Variants in SMAD3 observed in about 807,000 individuals in gnomAD.
The protein encoded by SMAD3 is MAD homolog 3.
SMAD3 carries 12 observed loss-of-function variants against 51.8 expected under a neutral mutation model. The ratio of observed to expected loss-of-function variants is 0.23; its 90% CI spans 0.15 to 0.38. The LOEUF is 0.38. SMAD3 is among the 10% of genes least tolerant of loss of function. SMAD3 has a pLI of 1.00. For missense variants in SMAD3, 294 were observed against 565.6 expected (o/e 0.52, Z 4.87); for synonymous variants, 238 against 227.7 (o/e 1.05, Z -0.41).
chr15:67,070,415 A>G (rs988504037), intron 1 of SMAD3, among the ~76,000 whole-genome samples: 14 of 152,062 alleles, frequency 9.2e-5, no homozygotes, highest in African/African-American at 3.4e-4. Flanking sequence ...TGCTGCTTGC[A>G]CCTGGGAGTG....
At chr15:67,155,114 C>T (rs11634793) in intron 1 of SMAD3, among the ~76,000 whole-genome samples, 68,237 of 152,040 alleles carry the variant, frequency 0.45, 15,840 homozygotes, top group Middle Eastern at 0.53. Context: ...GACCAGATGC[C>T]CTCAAGGTTC....
chr15:67,076,241 C>T (rs555054906), intron 1 of SMAD3, among the ~76,000 whole-genome samples: 4 of 152,218 alleles, frequency 2.6e-5, no homozygotes, highest in African/African-American at 9.6e-5. Context: ...GGCGGTTCTG[C>T]CCTCCCCCAT....
chr15:67,072,946 C>T (rs551994434), intron 1 of SMAD3, among the ~76,000 whole-genome samples: 4 of 152,156 alleles, frequency 2.6e-5, no homozygotes, highest in Non-Finnish European at 4.4e-5. Flanking sequence ...TCCTTTAATG[C>T]CGTACCAGGT....
At chr15:67,145,224 G>A (rs766824818) in intron 1 of SMAD3, among the ~76,000 whole-genome samples, 31 of 152,194 alleles carry the variant, frequency 2.0e-4, no homozygotes, top group Non-Finnish European at 3.8e-4. Flanking sequence ...CATTTTATAG[G>A]TGAGGAAGCT....
rs182021220 is a variant in SMAD3 at position 67,073,494 on chromosome 15, A to G, written c.206+7134A>G. Among the ~76,000 whole-genome samples, 279 of 152,254 alleles carry G rather than the reference A, an allele frequency of 1.8e-3. 1 individual carries two copies. The highest frequency in any genetic ancestry group is 2.4e-3 in the Non-Finnish European group (161 of 68,014). On this transcript the variant is annotated intron_variant, in intron 1 of 8. Coordinates refer to ENST00000327367, the MANE Select transcript of SMAD3 (RefSeq NM_005902.4). ...AACAAGAGTTTGGGGATTATTTTGGAGGTAGGAGTCAGCAGACCTTGGTAG... is the reference window on the plus strand; with the variant it reads ...AACAAGAGTTTGGGGATTATTTTGGGGGTAGGAGTCAGCAGACCTTGGTAG...
At chr15:67,144,410 AT>A (rs1371921116) in intron 1 of SMAD3, among the ~76,000 whole-genome samples, 2 of 152,046 alleles carry the variant, frequency 1.3e-5, no homozygotes, top group Non-Finnish European at 2.9e-5. Flanking sequence ...ATTTATTTTC[AT>A]TTTAAAAGTT....
intron 1 of SMAD3, among the ~76,000 whole-genome samples, chr15:67,067,556 G>T (rs1959954107): frequency 6.6e-6 from 1 of 152,186 alleles, no homozygotes; most frequent in Admixed American, 6.5e-5. Flanking sequence ...CCTGGGCCAG[G>T]GTGGACTCCA....
At chr15:67,115,866 G>A (rs913701225) in intron 1 of SMAD3, among the ~76,000 whole-genome samples, 1 of 152,188 alleles carries the variant, frequency 6.6e-6, no homozygotes, top group African/African-American at 2.4e-5. Flanking sequence ...TGAGCAAGGG[G>A]TGGTGGTCTG....
At chr15:67,089,503 C>T (rs1263413326) in intron 1 of SMAD3, among the ~76,000 whole-genome samples, 6 of 152,310 alleles carry the variant, frequency 3.9e-5, no homozygotes, top group Admixed American at 3.3e-4. Flanking sequence ...GGTGATCAGG[C>T]ACAACTTACA....
chr15:67,150,938 C>T (rs1020700186), intron 1 of SMAD3, among the ~76,000 whole-genome samples: 2 of 142,958 alleles, frequency 1.4e-5, no homozygotes, highest in African/African-American at 5.2e-5. Context: ...TCACTGCAAC[C>T]TCCACCTCCC....
intron 1 of SMAD3, among the ~76,000 whole-genome samples, chr15:67,106,196 A>G (rs1278923654): frequency 6.6e-6 from 1 of 152,152 alleles, no homozygotes; most frequent in East Asian, 1.9e-4. Flanking sequence ...GGCAGCCAGC[A>G]TGATCTCTAA....
At chr15:67,148,987 A>C (rs1458693323) in intron 1 of SMAD3, among the ~76,000 whole-genome samples, 1 of 152,236 alleles carries the variant, frequency 6.6e-6, no homozygotes, top group African/African-American at 2.4e-5. Flanking sequence ...AAGTCACTTC[A>C]TCATACCAGG....
At chr15:67,162,667 A>G (rs1040114965) in intron 1 of SMAD3, among the ~76,000 whole-genome samples, 2 of 151,864 alleles carry the variant, frequency 1.3e-5, no homozygotes, top group African/African-American at 4.8e-5. Context: ...TCCCCTCTCC[A>G]GTCCTTCTGG....
intron 4 of SMAD3, among the ~76,000 whole-genome samples, chr15:67,167,428 A>G (rs565801627): frequency 7.6e-4 from 115 of 152,312 alleles, no homozygotes; most frequent in African/African-American, 2.6e-3. Context: ...TGGACCTTCA[A>G]GCTAGCCAGA....
At chr15:67,152,370 ACT>A (rs1962170028) in intron 1 of SMAD3, among the ~76,000 whole-genome samples, 2 of 151,750 alleles carry the variant, frequency 1.3e-5, no homozygotes, top group African/African-American at 4.8e-5. Flanking sequence ...AACAGAGAAG[ACT>A]CTAAGTGTTG....
chr15:67,142,116 C>T (rs1961842161), intron 1 of SMAD3, among the ~76,000 whole-genome samples: 1 of 151,842 alleles, frequency 6.6e-6, no homozygotes, highest in Non-Finnish European at 1.5e-5. Context: ...TCTGTCATCC[C>T]CCGCTCTTTT....
intron 1 of SMAD3, among the ~76,000 whole-genome samples, chr15:67,107,644 T>G (rs573712730): frequency 6.6e-6 from 1 of 152,364 alleles, no homozygotes; most frequent in African/African-American, 2.4e-5. Flanking sequence ...TGCCTGTCGC[T>G]GTGGTTATTG....
intron 1 of SMAD3, among the ~76,000 whole-genome samples, chr15:67,157,941 T>C (rs1202256985): frequency 6.6e-6 from 1 of 152,166 alleles, no homozygotes; most frequent in Non-Finnish European, 1.5e-5. Flanking sequence ...AGGGAGTTGC[T>C]AGAGAAAGAC....
intron 4 of SMAD3, among the ~76,000 whole-genome samples, chr15:67,168,974 G>A (rs536554536): frequency 2.6e-5 from 4 of 152,204 alleles, no homozygotes; most frequent in African/African-American, 7.2e-5. Context: ...TTAGACTTGT[G>A]AGAAGGCCCC....
Sources: allele counts gnomAD v4.1 joint callset (sites outside exome capture counted in the v4.1 genomes callset), GRCh38; gene constraint gnomAD v4.1.1; transcripts MANE v1.5; gene names NCBI Gene and HGNC (gene_info 2026-07-23, HGNC 2026-07-21).